The following ZNF208 variants were observed in gnomAD, a reference collection of about 807,000 sequenced individuals.
ZNF208 encodes zinc finger protein 208.
Under a neutral mutation model 12.1 loss-of-function variants are expected in ZNF208, and 10 were observed. The ratio of observed to expected loss-of-function variants is 0.83; its 90% CI spans 0.51 to 1.40. The LOEUF is 1.40. Among genes scored for constraint, ZNF208 ranks in the 40% most tolerant of loss-of-function variants. ZNF208 has a pLI of 0.00. For synonymous variants in ZNF208, 497 were observed against 488.4 expected (o/e 1.02, Z -0.23); for missense variants, 1,652 against 1,485.0 (o/e 1.11, Z -1.85).
At chr19:21,997,032 A>G (rs935382423) in intron 1 of ZNF208, among the ~76,000 whole-genome samples, 2 of 152,216 alleles carry the variant, frequency 1.3e-5, no homozygotes, top group African/African-American at 4.8e-5. Context: ...ATGTGTTTGT[A>G]TTATGTCTGG....
rs747562537 is a variant in ZNF208, at chr19:21,973,562, T to C, written c.1472A>G (p.His491Arg). ...ACATTTGTAGGGTTTCTCTCCAGCATGAGTTGCCTTATCACATTCTTCACA... is the reference window on the plus strand; with the variant it reads ...ACATTTGTAGGGTTTCTCTCCAGCACGAGTTGCCTTATCACATTCTTCACA... ...YKCEECDKAT[H>R]AGEKPYKCEE... Residue 491 changes from histidine (H) to arginine (R), a missense_variant, in exon 4 of 4, where the codon CAT becomes CGT. This residue lies in a region of ZNF208 where 1,239 missense variants were observed against 1,086.2 expected (regional missense o/e 1.14). Coordinates refer to ENST00000397126, the MANE Select transcript of ZNF208 (RefSeq NM_007153.3). The C allele has an allele frequency of 3.2e-5, 51 of 1,613,270 alleles. 1 individual carries two copies. The South Asian group carries it at 5.5e-4, about 17-fold the overall frequency.
intron 1 of ZNF208, among the ~76,000 whole-genome samples, chr19:22,000,781 T>A (rs2145581295): frequency 6.6e-6 from 1 of 152,210 alleles, no homozygotes; most frequent in Non-Finnish European, 1.5e-5. Context: ...AAAATCTATT[T>A]TTTTAAAAAA....
chr19:21,989,250 A>C (rs1256004953), intron 1 of ZNF208, among the ~76,000 whole-genome samples: 2 of 84,504 alleles, frequency 2.4e-5, no homozygotes, highest in Non-Finnish European at 4.2e-5. Flanking sequence ...CCCCCACCCC[A>C]CAACAGTCCC....
intron 1 of ZNF208, among the ~76,000 whole-genome samples, chr19:21,990,275 G>A (rs1310519450): frequency 1.3e-5 from 2 of 152,150 alleles, no homozygotes; most frequent in Non-Finnish European, 2.9e-5. Flanking sequence ...ATGTGAGGAA[G>A]GGATCCAGTT....
intron 1 of ZNF208, among the ~76,000 whole-genome samples, chr19:21,996,954 A>G (rs982488759): frequency 2.6e-5 from 4 of 152,182 alleles, no homozygotes; most frequent in African/African-American, 9.6e-5. Context: ...ACTTCACAGC[A>G]CAACTGTGAA....
In ZNF208 at chr19:21,971,724, T is replaced by A; in HGVS notation, c.3310A>T (p.Lys1104Ter). 6.2e-7 allele frequency: 1 copy of A among 1,613,950 alleles called. No homozygotes were observed. Among genetic ancestry groups the A allele is most frequent in the South Asian group, 1.1e-5 (1 of 91,058 alleles). ...GGTTTCTCTCCAGTATGAATTCTCT[T>A]ATGTTCCATAAGGTTTGAGGACCAG... Reference protein sequence around the residue: ...FNWSSNLMEHKRIHTGEKPYK... With the variant: ...FNWSSNLMEH The change falls in exon 4 of 4, where the codon AAG becomes TAG. Residue 1104 changes from lysine (K) to a stop codon, truncating the protein, a stop_gained. Transcript: ENST00000397126. LOFTEE classifies it low-confidence loss of function (END_TRUNC).
chr19:21,993,958 T>C (rs922760777), intron 1 of ZNF208, among the ~76,000 whole-genome samples: 4 of 152,230 alleles, frequency 2.6e-5, no homozygotes, highest in Admixed American at 2.6e-4. Flanking sequence ...AGCACTGTGA[T>C]AGCACATTAT....
At position 21,968,950 on chromosome 19, in the gene ZNF208, C is replaced by G. The variant is rs1970222884; in HGVS notation, c.*2241G>C. On this transcript the variant is annotated 3_prime_UTR_variant, in exon 4 of 4. Transcript: ENST00000397126. ...CTGCAATCCCAGGACTTTGGGTGGC[C>G]AAGGTGGGCATATCATGAGGTCAGG... Among the ~76,000 whole-genome samples, 1 of 152,040 alleles carries G rather than the reference C, an allele frequency of 6.6e-6. No homozygotes were observed. The highest frequency in any genetic ancestry group is 2.4e-5 in the African/African-American group (1 of 41,420).
Position 21,974,058 on chromosome 19 carries a change from A to C in ZNF208, c.976T>G (p.Ser326Ala). ...ATTGCCTTATGTGTAATAAGGGTTG[A>C]GACCTTACTGAAGGCTTTGCCACAT... ...KECGKAFSKV[S>A]TLITHKAIHA... The change falls in exon 4 of 4, where the codon TCA becomes GCA. Residue 326 changes from serine (S) to alanine (A), a missense_variant. Ser to Ala is a moderately conservative substitution (Grantham distance 99). Around this residue, in one of 3 missense-constraint regions of ZNF208, gnomAD observed 410 missense variants for 378.2 expected, o/e 1.08. Coordinates refer to ENST00000397126, the MANE Select transcript of ZNF208 (RefSeq NM_007153.3). 5 of 1,326,846 alleles carry C rather than the reference A, an allele frequency of 3.8e-6. 1 individual carries two copies. Among genetic ancestry groups the C allele is most frequent in the Non-Finnish European group, 4.0e-6 (4 of 997,008 alleles). The allele number at this position is 1,326,846 out of a possible 1,614,324, so 82.2% of individuals were successfully genotyped here.
chr19:21,955,854 ATC>A (rs1969966277), intron 4 of ZNF208, among the ~76,000 whole-genome samples: 1 of 152,176 alleles, frequency 6.6e-6, no homozygotes, highest in African/African-American at 2.4e-5. Flanking sequence ...GTCATTCTCC[ATC>A]CAGCTTTGTT....
intron 1 of ZNF208, among the ~76,000 whole-genome samples, chr19:21,992,178 ATAAT>A (rs1407176574): frequency 3.3e-5 from 5 of 152,336 alleles, no homozygotes; most frequent in South Asian, 2.1e-4. Context: ...GAAGAGAAAA[ATAAT>A]TAATTCTATA....
chr19:21,943,219 T>C (rs1368912660), intron 4 of ZNF208, among the ~76,000 whole-genome samples: 3 of 152,226 alleles, frequency 2.0e-5, no homozygotes, highest in Non-Finnish European at 2.9e-5. Flanking sequence ...TTTGAGTATT[T>C]GGACTTTGGT....
Position 21,974,455 on chromosome 19 carries a change from T to C in ZNF208, c.579A>G (p.Arg193=). The C allele has an allele frequency of 6.2e-7, 1 of 1,613,748 alleles. No homozygotes were observed. The highest frequency in any genetic ancestry group is 1.1e-5 in the South Asian group (1 of 91,064). The change falls in exon 4 of 4, where the codon AGA becomes AGG. Residue 193 remains arginine (R), a synonymous_variant. Coordinates refer to ENST00000397126, the MANE Select transcript of ZNF208 (RefSeq NM_007153.3). ...CMLSHLSQHK[R]IYTRENSYKC... ...TGTAGGAATTCTCTCTAGTATAAAT[T>C]CTTTTATGTTGAGATAGGTGTGAAA...
At chr19:21,985,129 A>G (rs1970611820) in intron 3 of ZNF208, among the ~76,000 whole-genome samples, 1 of 152,218 alleles carries the variant, frequency 6.6e-6, no homozygotes, top group Non-Finnish European at 1.5e-5. Context: ...ACATTATGCA[A>G]AATGAAATGA....
intron 4 of ZNF208, among the ~76,000 whole-genome samples, chr19:21,959,892 T>TA (rs1225619468): frequency 5.9e-5 from 9 of 152,130 alleles, no homozygotes; most frequent in African/African-American, 2.2e-4. Context: ...TTAGATTCTG[T>TA]AAAAAATGTT....
rs986816964 is a variant in ZNF208, at chr19:22,010,678, G to C, written c.3+114C>G. 14 of 1,531,816 alleles carry C rather than the reference G, an allele frequency of 9.1e-6. No homozygotes were observed. In the African/African-American group the frequency reaches 1.6e-4, roughly 18 times the overall value. The allele number at this position is 1,531,816 out of a possible 1,614,324, so 94.9% of individuals were successfully genotyped here. The stretch of plus-strand genomic sequence containing the variant: ...CTGAGGTCGAGCTAGGCAAGAACTC[G>C]GGGCACAGATGTGGAGCTGACTGCG... On this transcript the variant is annotated intron_variant, in intron 1 of 3. Transcript: ENST00000397126.
At position 21,973,193 on chromosome 19, in the gene ZNF208, C is replaced by T. The variant is rs910967378; in HGVS notation, c.1841G>A (p.Cys614Tyr). Residue 614 changes from cysteine to tyrosine, a missense_variant, in exon 4 of 4, where the codon TGT becomes TAT. Cys to Tyr is a radical substitution (Grantham distance 194, BLOSUM62 -2). Around this residue, in one of 3 missense-constraint regions of ZNF208, gnomAD observed 1,239 missense variants for 1,086.2 expected, o/e 1.14. Transcript: ENST00000397126. ...TGAGACCTTACTAAAGGTTTTGCCA[C>T]ATTCTTCACATTTGTAGGGTTTCTC... ...TGEKPYKCEE[C>Y]GKTFSKVSTL... The T allele has an allele frequency of 1.2e-6, 2 of 1,613,484 alleles. No homozygotes were observed. Among genetic ancestry groups the T allele is most frequent in the African/African-American group, 1.3e-5 (1 of 74,860 alleles).
chr19:21,942,321 A>G (rs906651350), intron 4 of ZNF208, among the ~76,000 whole-genome samples: 3 of 152,172 alleles, frequency 2.0e-5, no homozygotes, highest in Admixed American at 2.0e-4. Flanking sequence ...AAAAATAGAT[A>G]TGTTTATCAG....
chr19:21,942,931 G>C (rs1912574), intron 4 of ZNF208, among the ~76,000 whole-genome samples: 25,469 of 152,142 alleles, frequency 0.17, 2,333 homozygotes, highest in Admixed American at 0.23. Context: ...TTACAGGTGT[G>C]AGCCACCGCA....
Sources: gnomAD v4.1 joint callset for allele counts (sites outside exome capture counted in the v4.1 genomes callset) on GRCh38, gnomAD v4.1.1 for gene constraint, gnomAD v4.1.1 regional missense constraint, MANE v1.5 for transcripts, NCBI Gene and HGNC (gene_info 2026-07-23, HGNC 2026-07-21) for gene names.